Variants in RIT2 observed in about 807,000 individuals in gnomAD.
RIT2 encodes Ras like without CAAX 2.
RIT2 carries 24 observed loss-of-function variants against 23.7 expected under a neutral mutation model. That is an observed-to-expected ratio of 1.01 (90% CI 0.73 to 1.43). The LOEUF (loss-of-function observed/expected upper bound fraction) is 1.43, where lower values mean the gene tolerates loss of function less well. Ranked by LOEUF, RIT2 falls within the 40% of genes most tolerant of loss-of-function variation. The pLI is 0.00. For synonymous variants in RIT2, 107 were observed against 91.1 expected, an observed-to-expected ratio of 1.17 and a Z score of -0.99; for missense variants, 236 against 266.9, an observed-to-expected ratio of 0.88 and a Z score of 0.81.
chr18:43,007,061 A>G (rs1390376999), intron 2 of RIT2, among the ~76,000 whole-genome samples: 1 of 151,652 alleles, frequency 6.6e-6, no homozygotes, highest in Non-Finnish European at 1.5e-5. Flanking sequence ...CAAAGATTTT[A>G]TATCATGCAA....
chr18:43,103,612 A>G (rs1420212168), intron 1 of RIT2, among the ~76,000 whole-genome samples: 1 of 152,242 alleles, frequency 6.6e-6, no homozygotes, highest in Non-Finnish European at 1.5e-5. Context: ...AGCAAGAAGT[A>G]TTTGTGCAGA....
intron 3 of RIT2, among the ~76,000 whole-genome samples, chr18:42,956,507 T>C (rs1023786202): frequency 2.6e-5 from 4 of 152,182 alleles, no homozygotes; most frequent in East Asian, 1.9e-4. Context: ...TTTGATTTCC[T>C]CTCTGCTCCA....
intron 4 of RIT2, among the ~76,000 whole-genome samples, chr18:42,840,997 A>G (rs1906752560): frequency 6.6e-6 from 1 of 152,178 alleles, no homozygotes; most frequent in Admixed American, 6.5e-5. Context: ...AATTTGCACA[A>G]AATTCCTGTT....
chr18:42,785,601 A>G (rs2143938702), intron 4 of RIT2, among the ~76,000 whole-genome samples: 1 of 152,244 alleles, frequency 6.6e-6, no homozygotes, highest in East Asian at 1.9e-4. Flanking sequence ...GTACCAAAGG[A>G]CTCAACCATG....
intron 4 of RIT2, among the ~76,000 whole-genome samples, chr18:42,805,784 T>A (rs947063471): frequency 6.6e-6 from 1 of 152,104 alleles, no homozygotes; most frequent in Non-Finnish European, 1.5e-5. Flanking sequence ...CTTTCAAAAT[T>A]TCTAACTGTC....
chr18:42,998,433 T>G (rs1402373987), intron 2 of RIT2, among the ~76,000 whole-genome samples: 2 of 152,118 alleles, frequency 1.3e-5, no homozygotes, highest in African/African-American at 4.8e-5. Context: ...ACTCTCTCAC[T>G]GCTAAAGTGC....
At chr18:42,950,399 G>C (rs1909822022) in intron 3 of RIT2, among the ~76,000 whole-genome samples, 1 of 151,992 alleles carries the variant, frequency 6.6e-6, no homozygotes, top group South Asian at 2.1e-4. Context: ...AGCTCAAGAT[G>C]GATGAAAGAT....
At chr18:42,869,175 G>A (rs1205884439) in intron 4 of RIT2, among the ~76,000 whole-genome samples, 1 of 152,198 alleles carries the variant, frequency 6.6e-6, no homozygotes, top group Non-Finnish European at 1.5e-5. Flanking sequence ...TGTGGATGGT[G>A]GTGGGTATGG....
chr18:42,854,845 A>G (rs182368131), intron 4 of RIT2, among the ~76,000 whole-genome samples: 30 of 152,268 alleles, frequency 2.0e-4, no homozygotes, highest in African/African-American at 7.2e-4. Flanking sequence ...AGTAATCCCA[A>G]CTATTTGCCC....
intron 2 of RIT2, among the ~76,000 whole-genome samples, chr18:42,990,053 T>C (rs1008017428): frequency 1.3e-4 from 20 of 150,614 alleles, no homozygotes; most frequent in Admixed American, 4.6e-4. Flanking sequence ...ATGAATTTAT[T>C]GTAAGGAATA....
At chr18:43,049,030 T>C in intron 1 of RIT2, among the ~76,000 whole-genome samples, 1 of 152,180 alleles carries the variant, frequency 6.6e-6, no homozygotes, top group South Asian at 2.1e-4. Context: ...ATTACTTGGT[T>C]AGGGTTGTTT....
At chr18:43,075,408 A>T (rs1052102708) in intron 1 of RIT2, among the ~76,000 whole-genome samples, 1 of 152,148 alleles carries the variant, frequency 6.6e-6, no homozygotes, top group Non-Finnish European at 1.5e-5. Flanking sequence ...CTGCTTGTCC[A>T]TGATTAACTT....
chr18:42,840,886 T>A (rs552741361), intron 4 of RIT2, among the ~76,000 whole-genome samples: 219 of 152,262 alleles, frequency 1.4e-3, no homozygotes, highest in African/African-American at 5.2e-3. Context: ...TTTGCTTGAA[T>A]CCTAAAACAA....
intron 3 of RIT2, among the ~76,000 whole-genome samples, chr18:42,942,565 G>A (rs554677748): frequency 4.8e-4 from 73 of 152,172 alleles, no homozygotes; most frequent in Admixed American, 1.2e-3. Flanking sequence ...CACCGTCTGC[G>A]TGGAGTTTGC....
intron 4 of RIT2, among the ~76,000 whole-genome samples, chr18:42,765,532 G>A (rs1913400504): frequency 6.6e-6 from 1 of 152,106 alleles, no homozygotes; most frequent in Non-Finnish European, 1.5e-5. Flanking sequence ...ATTTAAGACA[G>A]CCAACTTTCT....
At chr18:42,745,088 T>C (rs1912887275) in intron 4 of RIT2, among the ~76,000 whole-genome samples, 1 of 152,150 alleles carries the variant, frequency 6.6e-6, no homozygotes, top group East Asian at 1.9e-4. Context: ...TTAACTAAAA[T>C]ATAAAGATAA....
chr18:42,839,596 C>T (rs192976455), intron 4 of RIT2, among the ~76,000 whole-genome samples: 43 of 152,248 alleles, frequency 2.8e-4, no homozygotes, highest in African/African-American at 9.9e-4. Flanking sequence ...TCTTCATGGT[C>T]TTCTTATAAA....
At chr18:43,098,826 C>G (rs1410193118) in intron 1 of RIT2, among the ~76,000 whole-genome samples, 1 of 151,928 alleles carries the variant, frequency 6.6e-6, no homozygotes, top group African/African-American at 2.4e-5. Flanking sequence ...AAGGAATGGA[C>G]CAGGATTTAA....
chr18:42,848,621 G>A (rs76477868), intron 4 of RIT2, among the ~76,000 whole-genome samples: 416 of 152,246 alleles, frequency 2.7e-3, no homozygotes, highest in Middle Eastern at 0.014. Flanking sequence ...GATACCATAC[G>A]TACTATGAAC....
Sources: gnomAD v4.1 joint callset for allele counts (sites outside exome capture counted in the v4.1 genomes callset) on GRCh38, gnomAD v4.1.1 for gene constraint, MANE v1.5 for transcripts, NCBI Gene and HGNC (gene_info 2026-07-23, HGNC 2026-07-21) for gene names.